The following HFM1 variants were observed in gnomAD, a reference collection of about 807,000 sequenced individuals.
HFM1 encodes the protein helicase for meiosis 1.
A neutral mutation model predicts 192.1 loss-of-function variants in HFM1; 169 were observed. The observed-to-expected ratio is 0.88, with a 90% CI of 0.78 to 1.00. The LOEUF is 1.00. HFM1 is among the 50% of genes least tolerant of loss of function. The probability of loss-of-function intolerance (pLI) is 0.00; values close to 1 mark genes in which losing one functional copy is unlikely to be tolerated. For missense variants in HFM1, 1,661 were observed against 1,668.0 expected, an observed-to-expected ratio of 1.00 and a Z score of 0.07; for synonymous variants, 525 against 537.8, an observed-to-expected ratio of 0.98 and a Z score of 0.33.
intron 35 of HFM1, 139 bp from the exon 36 acceptor site, chr1:91,266,246 T>A: frequency 1.5e-6 from 1 of 647,058 alleles, no homozygotes; most frequent in South Asian, 2.2e-5. Flanking sequence ...CCTAATTTAA[T>A]TTGCATAGAA....
chr1:91,382,123 C>T (rs368627477), intron 6 of HFM1, among the ~76,000 whole-genome samples: 1 of 152,086 alleles, frequency 6.6e-6, no homozygotes, highest in African/African-American at 2.4e-5. Flanking sequence ...TGCCATGAGG[C>T]CTTCCCTCTG....
intron 30 of HFM1, among the ~76,000 whole-genome samples, chr1:91,304,500 C>T (rs1649319426): frequency 6.6e-6 from 1 of 151,960 alleles, no homozygotes; most frequent in Non-Finnish European, 1.5e-5. Flanking sequence ...GAGTTTCGCT[C>T]TTGTTGCCCA....
chr1:91,380,944 A>C lies in HFM1; in HGVS notation c.841T>G (p.Phe281Val). The change falls in exon 7 of 39, where the codon TTC becomes GTC. Residue 281 changes from phenylalanine to valine, a missense_variant. Transcript: ENST00000370425. Reference sequence around the variant, plus strand: ...AAGGCCTTGGACTGTATATAGTTGAAATATGGAAATTCTTTGAAAATACTT... The same window carrying C: ...AAGGCCTTGGACTGTATATAGTTGACATATGGAAATTCTTTGAAAATACTT... ...FRSIFKEFPY[F>V]NYIQSKAFDD... 1 of 1,462,588 alleles carries C rather than the reference A, an allele frequency of 6.8e-7. No individual in the cohort carries two copies. Among genetic ancestry groups the C allele is most frequent in the Non-Finnish European group, 9.6e-7 (1 of 1,044,524 alleles). The allele number at this position is 1,462,588 out of a possible 1,614,324, so 90.6% of individuals were successfully genotyped here. A position where few individuals can be genotyped will look rare whatever the true frequency, so the allele number is the denominator to read the frequency against.
At chr1:91,350,136 T>C (rs551543756) in intron 18 of HFM1, among the ~76,000 whole-genome samples, 4 of 152,308 alleles carry the variant, frequency 2.6e-5, no homozygotes, top group South Asian at 2.1e-4. Context: ...TCTTTTAATA[T>C]AGGCTTATAT....
chr1:91,356,318 A>T (rs965824319), intron 13 of HFM1, among the ~76,000 whole-genome samples: 1 of 150,968 alleles, frequency 6.6e-6, no homozygotes, highest in Non-Finnish European at 1.5e-5. Flanking sequence ...ATCTCGGCTC[A>T]CTGCAACCTA....
intron 13 of HFM1, among the ~76,000 whole-genome samples, chr1:91,363,419 A>G (rs1390838574): frequency 6.6e-6 from 1 of 151,906 alleles, no homozygotes; most frequent in Non-Finnish European, 1.5e-5. Flanking sequence ...TGGCCAACCA[A>G]TATTATGAAA....
At chr1:91,329,450 A>T in intron 20 of HFM1, 1 of 1,570,226 alleles carries the variant, frequency 6.4e-7, no homozygotes, top group Non-Finnish European at 8.7e-7. Context: ...GCAAGGAGCC[A>T]GAATCAAAGG....
intron 13 of HFM1, among the ~76,000 whole-genome samples, chr1:91,363,306 A>C (rs541143758): frequency 1.8e-4 from 27 of 149,130 alleles, no homozygotes; most frequent in African/African-American, 6.4e-4. Context: ...TCATATCCAG[A>C]GTCTACAAGG....
intron 33 of HFM1, 142 bp from the exon 34 acceptor site, chr1:91,273,957 A>T: frequency 1.8e-6 from 1 of 559,100 alleles, no homozygotes; most frequent in South Asian, 2.5e-5. Context: ...CTGGGTAGCA[A>T]ATAAATAGGT....
At chr1:91,353,652 C>CCAAAAAAAAAAAA (rs1553213573) in intron 13 of HFM1, among the ~76,000 whole-genome samples, 3 of 65,422 alleles carry the variant, frequency 4.6e-5, no homozygotes, top group African/African-American at 5.1e-5. Context: ...AGTAAATAAG[C>CCAAAAAAAAAAAA]AAAAAAAAAA....
At chr1:91,308,409 T>A (rs1486634880) in intron 30 of HFM1, among the ~76,000 whole-genome samples, 1 of 152,236 alleles carries the variant, frequency 6.6e-6, no homozygotes, top group East Asian at 1.9e-4. Context: ...TATCGCATTT[T>A]TAATTCTAGA....
intron 4 of HFM1, among the ~76,000 whole-genome samples, chr1:91,389,288 A>C (rs1219630133): frequency 6.7e-6 from 1 of 150,280 alleles, no homozygotes; most frequent in Non-Finnish European, 1.5e-5. Flanking sequence ...CAGCCTCCTG[A>C]GTAGCTAGGA....
chr1:91,269,931 T>C (rs1168671674), intron 34 of HFM1, among the ~76,000 whole-genome samples: 3 of 152,170 alleles, frequency 2.0e-5, no homozygotes, highest in Admixed American at 1.3e-4. Flanking sequence ...GCAGGGTCCA[T>C]TGTGTCTGCA....
chr1:91,366,334 C>T (rs145746081), intron 13 of HFM1, among the ~76,000 whole-genome samples: 6 of 152,222 alleles, frequency 3.9e-5, no homozygotes, highest in East Asian at 1.9e-4. Context: ...CAAAGAATTC[C>T]GTAAGTCTCT....
intron 13 of HFM1, 39 bp downstream of exon 13, chr1:91,375,319 A>C (rs776787205): frequency 2.0e-5 from 30 of 1,482,566 alleles, no homozygotes; most frequent in African/African-American, 2.8e-5. Context: ...ATGAGCCCTA[A>C]AAGTCCTTCT....
chr1:91,406,929 G>A (rs111476074), upstream of HFM1, among the ~76,000 whole-genome samples: 2 of 152,204 alleles, frequency 1.3e-5, no homozygotes, highest in African/African-American at 4.8e-5. Context: ...TTCCAGCTTA[G>A]CAAGACAGGC....
chr1:91,315,707 G>T, intron 28 of HFM1, 108 bp downstream of exon 28: 3 of 711,020 alleles, frequency 4.2e-6, no homozygotes, highest in Non-Finnish European at 4.5e-6. Context: ...TCAGGAAAAT[G>T]TAATTTAGTT....
intron 13 of HFM1, among the ~76,000 whole-genome samples, chr1:91,366,015 G>A (rs1240443483): frequency 1.3e-5 from 2 of 151,354 alleles, no homozygotes; most frequent in African/African-American, 4.9e-5. Context: ...AAAAAATAAG[G>A]GGCAAAGACT....
At position 91,315,965 on chromosome 1, in the gene HFM1, C is replaced by T; in HGVS notation, c.2990G>A (p.Arg997Lys). 1 of 1,582,540 alleles carries T rather than the reference C, an allele frequency of 6.3e-7. No individual in the cohort carries two copies. Among genetic ancestry groups the T allele is most frequent in the Non-Finnish European group, 8.7e-7 (1 of 1,154,742 alleles). ...KYELKVEQIT[R>K]YSDTTAEILV... Reference sequence around the variant, plus strand: ...TATTTCTGCCGTCGTATCACTATATCTTGTAATCTTTAAAAAAGGACAAGT... The same window carrying T: ...TATTTCTGCCGTCGTATCACTATATTTTGTAATCTTTAAAAAAGGACAAGT... Residue 997 changes from arginine (R) to lysine (K), a missense_variant, in exon 28 of 39, where the codon AGA (arginine) becomes AAA (lysine). Coordinates refer to ENST00000370425, the MANE Select transcript of HFM1 (RefSeq NM_001017975.6).
Sources: allele counts gnomAD v4.1 joint callset (sites outside exome capture counted in the v4.1 genomes callset), GRCh38; gene constraint gnomAD v4.1.1; transcripts MANE v1.5; gene names NCBI Gene and HGNC (gene_info 2026-07-23, HGNC 2026-07-21).